The following MAP4K3 variants were observed in gnomAD, a reference collection of about 807,000 sequenced individuals.
MAP4K3 encodes the protein mitogen-activated protein kinase kinase kinase kinase 3.
In MAP4K3, 94 loss-of-function variants were observed where a neutral mutation model predicts 143.5. The observed-to-expected ratio is 0.65, with a 90% CI of 0.55 to 0.78. The LOEUF (loss-of-function observed/expected upper bound fraction) is 0.78. MAP4K3 is among the 30% of genes least tolerant of loss of function. The pLI is 0.00. For missense variants in MAP4K3, 1,077 were observed against 1,068.1 expected (o/e 1.01, Z -0.12); for synonymous variants, 416 against 347.2 (o/e 1.20, Z -2.20).
intron 1 of MAP4K3, among the ~76,000 whole-genome samples, chr2:39,389,530 C>A (rs932767159): frequency 2.6e-5 from 4 of 152,000 alleles, no homozygotes; most frequent in Non-Finnish European, 4.4e-5. Context: ...AAGAAGTGAT[C>A]TTTAAAAGCA....
intron 33 of MAP4K3, among the ~76,000 whole-genome samples, chr2:39,251,126 C>T (rs971691024): frequency 7.9e-5 from 12 of 152,168 alleles, no homozygotes; most frequent in South Asian, 6.2e-4. Context: ...GGGGCCAGGG[C>T]GCTCACAGAA....
At chr2:39,378,183 A>T in intron 1 of MAP4K3, 60 bp from the exon 2 acceptor site, 2 of 896,250 alleles carry the variant, frequency 2.2e-6, no homozygotes, top group South Asian at 3.3e-5. Flanking sequence ...AGTGTATAAA[A>T]TTTCACTTTA....
chr2:39,282,573 T>C lies in MAP4K3; in HGVS notation c.1588-19A>G, dbSNP rs1431903050. On this transcript the variant is annotated intron_variant, in intron 21 of 33. Transcript: ENST00000263881. ...TAGGCTTCTAGAAAAAGAACACATG[T>C]ATGATTACACTTTTTTTGCTGCTGT... The C allele has an allele frequency of 1.3e-6, 2 of 1,595,338 alleles. No individual in the cohort carries two copies. Among genetic ancestry groups the C allele is most frequent in the Non-Finnish European group, 1.7e-6 (2 of 1,165,730 alleles).
intron 18 of MAP4K3, 152 bp downstream of exon 18, chr2:39,292,621 T>TA (rs1682094745): frequency 7.2e-6 from 5 of 694,754 alleles, no homozygotes; most frequent in Non-Finnish European, 1.3e-5. Context: ...CAAGTTAATG[T>TA]AACTAGAATA....
intron 24 of MAP4K3, among the ~76,000 whole-genome samples, chr2:39,277,737 A>C (rs146420823): frequency 6.6e-6 from 1 of 151,468 alleles, no homozygotes; most frequent in Admixed American, 6.6e-5. Context: ...GCTAATTTTT[A>C]TATTTTTTAG....
At chr2:39,384,308 G>A (rs1190894299) in intron 1 of MAP4K3, among the ~76,000 whole-genome samples, 1 of 152,150 alleles carries the variant, frequency 6.6e-6, no homozygotes, top group Admixed American at 6.5e-5. Context: ...CACTTTGGGA[G>A]GCCGAGGTAG....
intron 12 of MAP4K3, among the ~76,000 whole-genome samples, chr2:39,322,679 T>C (rs1049920225): frequency 2.7e-5 from 4 of 150,876 alleles, no homozygotes; most frequent in Non-Finnish European, 5.9e-5. Flanking sequence ...TTTTTTGTTT[T>C]TTTTTTTTGA....
chr2:39,337,064 T>C, intron 5 of MAP4K3, 97 bp from the exon 6 acceptor site: 1 of 597,898 alleles, frequency 1.7e-6, no homozygotes, highest in Non-Finnish European at 3.0e-6. Flanking sequence ...GTGTATTTTA[T>C]TTAATCTTTA....
intron 15 of MAP4K3, among the ~76,000 whole-genome samples, chr2:39,305,171 C>A (rs1242936814): frequency 2.0e-5 from 3 of 152,034 alleles, no homozygotes; most frequent in African/African-American, 7.2e-5. Context: ...GTACATAATG[C>A]CACTGGACTG....
chr2:39,333,961 TTGTG>T (rs60361690), intron 6 of MAP4K3, among the ~76,000 whole-genome samples: 6,124 of 144,086 alleles, frequency 0.043, 147 homozygotes, highest in African/African-American at 0.063. Context: ...TTTCCCATTT[TTGTG>T]TGTGTGTGTG....
rs1259436813 is a variant in MAP4K3 at position 39,297,119 on chromosome 2, T to C, written c.1178+2624A>G. ...AAACATAAATAATTTAATGTTTTCT[T>C]TTCTTTTTTTTTTTTGAGACAGAGT... On this transcript the variant is annotated intron_variant, in intron 16 of 33. Coordinates refer to ENST00000263881, the MANE Select transcript of MAP4K3 (RefSeq NM_003618.4). 2.0e-5 allele frequency among the ~76,000 whole-genome samples: 3 copies of C among 152,204 alleles called. No individual in the cohort carries two copies. The East Asian group carries it at 5.8e-4, about 29-fold the overall frequency.
chr2:39,429,315 G>C (rs1245390630), intron 1 of MAP4K3, among the ~76,000 whole-genome samples: 3 of 152,046 alleles, frequency 2.0e-5, no homozygotes, highest in African/African-American at 7.2e-5. Context: ...ATGAGATAAA[G>C]ATCATCTAAA....
chr2:39,298,442 A>G (rs1682372136), intron 16 of MAP4K3, among the ~76,000 whole-genome samples: 1 of 152,146 alleles, frequency 6.6e-6, no homozygotes, highest in Admixed American at 6.5e-5. Context: ...AAACTAATAT[A>G]TTTCTCCAGA....
chr2:39,322,022 C>T (rs534994385), intron 12 of MAP4K3, among the ~76,000 whole-genome samples: 1 of 140,000 alleles, frequency 7.1e-6, no homozygotes, highest in South Asian at 2.5e-4. Context: ...CCCTGGGTCC[C>T]CTTATTTCTT....
intron 1 of MAP4K3, among the ~76,000 whole-genome samples, chr2:39,425,678 C>T (rs771031443): frequency 3.4e-5 from 4 of 116,712 alleles, no homozygotes; most frequent in African/African-American, 5.1e-5. Flanking sequence ...TAATTTCTGT[C>T]ATTTAAGCCA....
In MAP4K3 at chr2:39,348,612, T is replaced by C. The variant is rs376419044; in HGVS notation, c.246-5160A>G. ...TTTTATGCAGGTCAATTATAAAATCTTTGTCCCTAGGTATCTGAATTGAAA... is the reference window on the plus strand; with the variant it reads ...TTTTATGCAGGTCAATTATAAAATCCTTGTCCCTAGGTATCTGAATTGAAA... On this transcript the variant is annotated intron_variant, in intron 3 of 33. Transcript: ENST00000263881. Among the ~76,000 whole-genome samples the C allele has an allele frequency of 9.2e-5, 14 of 152,282 alleles. No individual in the cohort carries two copies. The South Asian group carries it at 2.7e-3, about 29-fold the overall frequency.
rs55792171 is a variant in MAP4K3, at chr2:39,436,885, C to T, written c.96+7G>A. On this transcript the variant is annotated splice_region_variant and intron_variant, in intron 1 of 33. Transcript: ENST00000263881. ...CGGCCTCGGCGGCGCGCGGCCCCTG[C>T]CTTTACCTTGTAGACGTCGCCGTAG... 24,475 of 1,605,136 alleles carry T rather than the reference C, an allele frequency of 0.015. 225 individuals carry two copies. Among genetic ancestry groups the T allele is most frequent in the Non-Finnish European group, 0.018 (20,953 of 1,176,460 alleles).
intron 3 of MAP4K3, among the ~76,000 whole-genome samples, chr2:39,351,570 T>C (rs1216542996): frequency 4.6e-5 from 7 of 152,232 alleles, no homozygotes; most frequent in Non-Finnish European, 4.4e-5. Context: ...TAAGAAATAA[T>C]GTATAAACAC....
chr2:39,268,799 C>G lies in MAP4K3; in HGVS notation c.1974-1552G>C, dbSNP rs189164742. On this transcript the variant is annotated intron_variant, in intron 26 of 33. Coordinates refer to ENST00000263881, the MANE Select transcript of MAP4K3 (RefSeq NM_003618.4). The stretch of plus-strand genomic sequence containing the variant: ...TGATTACAGGCATCAGCCACCACAC[C>G]CAACTAATTTTTGTACTTTTAGTAG... Among the ~76,000 whole-genome samples, 6 of 151,642 alleles carry G rather than the reference C, an allele frequency of 4.0e-5. No individual in the cohort carries two copies. The East Asian group carries it at 1.2e-3, about 29-fold the overall frequency.
Sources: allele counts gnomAD v4.1 joint callset (sites outside exome capture counted in the v4.1 genomes callset), GRCh38; gene constraint gnomAD v4.1.1; transcripts MANE v1.5; gene names NCBI Gene and HGNC (gene_info 2026-07-23, HGNC 2026-07-21).